C3orf49: variants seen among roughly 807,000 people sequenced by gnomAD.
C3orf49 encodes putative uncharacterized protein C3orf49.
In C3orf49, 27 loss-of-function variants were observed where a neutral mutation model predicts 13.3. The observed-to-expected ratio is 2.02, with a 90% CI of 1.49 to 2.79. The LOEUF (loss-of-function observed/expected upper bound fraction) is 2.79, where lower values mean the gene tolerates loss of function less well. C3orf49 is among the 30% of genes most tolerant of loss of function. The pLI, the probability that C3orf49 is intolerant of heterozygous loss-of-function variation, is 0.00. For synonymous variants in C3orf49, 87 were observed against 47.6 expected, an observed-to-expected ratio of 1.83 and a Z score of -3.40; for missense variants, 242 against 134.2, an observed-to-expected ratio of 1.80 and a Z score of -3.97.
chr3:63,834,347 G>T, intron 5 of C3orf49: 1 of 746,990 alleles, frequency 1.3e-6, no homozygotes. Flanking sequence ...AAATTTATGT[G>T]ATAGACTTCA....
At chr3:63,833,886 T>G (rs1701569631) in intron 5 of C3orf49, 1 of 413,542 alleles carries the variant, frequency 2.4e-6, no homozygotes, top group Non-Finnish European at 4.3e-6. Flanking sequence ...TTAAAAGCAT[T>G]TTATTAAGCA....
chr3:63,823,009 C>A (rs1575795881), intron 1 of C3orf49, among the ~76,000 whole-genome samples: 1 of 152,176 alleles, frequency 6.6e-6, no homozygotes, highest in South Asian at 2.1e-4. Flanking sequence ...AATAATATAA[C>A]CTACCTCTAA....
the C3orf49 span, among the ~76,000 whole-genome samples, chr3:63,789,567 T>C: frequency 6.6e-6 from 1 of 151,742 alleles, no homozygotes; most frequent in African/African-American, 2.4e-5. Flanking sequence ...TCCCAGCACT[T>C]TGGGAGGCTG....
the C3orf49 span, among the ~76,000 whole-genome samples, chr3:63,794,908 A>C: frequency 1.3e-5 from 2 of 152,278 alleles, no homozygotes; most frequent in East Asian, 3.9e-4. Context: ...CCTAAGTAAC[A>C]AAAGGATCAG....
chr3:63,843,816 G>T (rs1393513661), intron 5 of C3orf49, among the ~76,000 whole-genome samples: 2 of 152,060 alleles, frequency 1.3e-5, no homozygotes, highest in African/African-American at 4.8e-5. Context: ...CAGGAGAATG[G>T]CGTGAACCCG....
the C3orf49 span, among the ~76,000 whole-genome samples, chr3:63,798,006 G>T: frequency 6.6e-6 from 1 of 152,092 alleles, no homozygotes; most frequent in East Asian, 1.9e-4. Flanking sequence ...ATCTTACAGG[G>T]TGATCTAGCA....
intron 2 of C3orf49, among the ~76,000 whole-genome samples, 197 bp downstream of exon 2, chr3:63,823,766 T>TTGTG (rs55765936): frequency 0.02 from 2,520 of 122,986 alleles, 45 homozygotes; most frequent in African/African-American, 0.041. Context: ...GTTCATACCG[T>TTGTG]TGTGTGTGTG....
chr3:63,818,572 G>C (rs1365840543), upstream of C3orf49, among the ~76,000 whole-genome samples: 1 of 152,170 alleles, frequency 6.6e-6, no homozygotes, highest in Non-Finnish European at 1.5e-5. Context: ...TGAGAAGTAT[G>C]CTCCAGATTA....
rs919773693 is a variant in C3orf49, at chr3:63,827,259, A to T, written c.446-342A>T. 3.4e-5 allele frequency: 6 copies of T among 174,806 alleles called. No homozygotes were observed. In the Admixed American group the frequency reaches 3.6e-4, roughly 10 times the overall value. The allele number at this position is 174,806 out of a possible 1,614,324, so 10.8% of individuals were successfully genotyped here. On this transcript the variant is annotated intron_variant, in intron 2 of 6. Transcript: ENST00000295896. ...AGATAGAAAATTTGCTTTAATCCACAATGAATACCCAAGGGAGGGCCTTGC... is the reference window on the plus strand; with the variant it reads ...AGATAGAAAATTTGCTTTAATCCACTATGAATACCCAAGGGAGGGCCTTGC...
Position 63,819,601 on chromosome 3 carries a change from CAG to C in C3orf49, c.125+9_125+10del, listed in dbSNP as rs1310912564. 14 of 703,156 alleles carry C rather than the reference CAG, an allele frequency of 2.0e-5. No homozygotes were observed. The highest frequency in any genetic ancestry group is 1.4e-4 in the Admixed American group (7 of 49,988). The allele number at this position is 703,156 out of a possible 1,614,324, so 43.6% of individuals were successfully genotyped here. A position where few individuals can be genotyped will look rare whatever the true frequency, so the allele number is the denominator to read the frequency against. On this transcript the variant is annotated splice_donor_region_variant and intron_variant, in intron 1 of 6. Transcript: ENST00000295896. ...CAAAAGGAAGGGGATAGAAAGGTAA[CAG>C]AGATTCATTTCCTTTTCTGTCAAAT...
the C3orf49 span, among the ~76,000 whole-genome samples, chr3:63,809,819 G>T: frequency 1.3e-5 from 2 of 152,158 alleles, no homozygotes; most frequent in Admixed American, 6.5e-5. Context: ...TCTGCTATTA[G>T]GTTGGAGTAA....
At chr3:63,847,216 T>C (rs907038886) in intron 6 of C3orf49, among the ~76,000 whole-genome samples, 1 of 152,182 alleles carries the variant, frequency 6.6e-6, no homozygotes, top group African/African-American at 2.4e-5. Context: ...CCTATAAATC[T>C]GGTATGTATT....
the C3orf49 span, among the ~76,000 whole-genome samples, chr3:63,790,598 CTTTTTT>C: frequency 7.3e-6 from 1 of 137,722 alleles, no homozygotes; most frequent in Non-Finnish European, 1.6e-5. Context: ...ACATCTACCT[CTTTTTT>C]TTTTTTTTTT....
the C3orf49 span, among the ~76,000 whole-genome samples, chr3:63,794,895 AT>A: frequency 3.3e-5 from 5 of 152,246 alleles, no homozygotes; most frequent in East Asian, 9.7e-4. Flanking sequence ...CTAACTTTCC[AT>A]ACCTAAGTAA....
the C3orf49 span, among the ~76,000 whole-genome samples, chr3:63,790,766 CT>C: frequency 6.6e-6 from 1 of 152,098 alleles, no homozygotes; most frequent in East Asian, 1.9e-4. Flanking sequence ...GCTCAGTGGC[CT>C]TTGTTTTTGA....
rs763110226 is a variant in C3orf49 at position 63,838,490 on chromosome 3, C to A, written c.850-6533C>A. 1.3e-6 allele frequency: 2 copies of A among 1,584,108 alleles called. No individual in the cohort carries two copies. The highest frequency in any genetic ancestry group is 1.7e-6 in the Non-Finnish European group (2 of 1,172,516). ...ACAGCGTGCTCAGCATACGTTGGTA[C>A]TGGCTATATCTAATGAAAAAGAAAG... On this transcript the variant is annotated intron_variant, in intron 5 of 6. Transcript: ENST00000295896.
At chr3:63,785,700 A>G in the C3orf49 span, among the ~76,000 whole-genome samples, 4 of 152,154 alleles carry the variant, frequency 2.6e-5, no homozygotes, top group Non-Finnish European at 4.4e-5. Flanking sequence ...GTATTCACCT[A>G]CTTCCACAGC....
Position 63,831,818 on chromosome 3 carries a change from A to C in C3orf49, c.823A>C (p.Thr275Pro), listed in dbSNP as rs76512405. The part of the protein sequence containing the change: ...SKQFQRISKR[T>P]MRKYKLKNMT... Reference sequence around the variant, plus strand: ...ACAGTTCCAGAGGATATCCAAGAGAACCATGAGGAAGTATAAATTAAAAAA... The same window carrying C: ...ACAGTTCCAGAGGATATCCAAGAGACCCATGAGGAAGTATAAATTAAAAAA... The change falls in exon 5 of 7, where the codon ACC becomes CCC. Residue 275 changes from threonine (T) to proline (P), a missense_variant. Coordinates refer to ENST00000295896, the MANE Select transcript of C3orf49 (RefSeq NM_001355236.2). 2 of 699,148 alleles carry C rather than the reference A, an allele frequency of 2.9e-6. No individual in the cohort carries two copies. Among genetic ancestry groups the C allele is most frequent in the African/African-American group, 1.8e-5 (1 of 57,048 alleles). 43.3% of individuals were successfully genotyped at this position (699,148 alleles called of 1,614,324 possible).
Position 63,820,203 on chromosome 3 carries a change from G to C in C3orf49, c.125+607G>C, listed in dbSNP as rs374191870. The stretch of plus-strand genomic sequence containing the variant: ...GGGCTTCTCTCTTACCAGGTCCATG[G>C]GCTATAGTTCAGACATGTAGAAGTG... On this transcript the variant is annotated intron_variant, in intron 1 of 6. Coordinates refer to ENST00000295896, the MANE Select transcript of C3orf49 (RefSeq NM_001355236.2). Among the ~76,000 whole-genome samples the C allele has an allele frequency of 2.6e-5, 4 of 152,152 alleles. No homozygotes were observed. The East Asian group carries it at 7.7e-4, about 29-fold the overall frequency.
Sources: allele counts gnomAD v4.1 joint callset (sites outside exome capture counted in the v4.1 genomes callset), GRCh38; gene constraint gnomAD v4.1.1; transcripts MANE v1.5; gene names NCBI Gene and HGNC (gene_info 2026-07-23, HGNC 2026-07-21).